Variants in CLSTN2 observed in about 807,000 individuals in gnomAD.
CLSTN2 encodes the protein calsyntenin-2.
A neutral mutation model predicts 101.2 loss-of-function variants in CLSTN2; 48 were observed. The observed-to-expected ratio is 0.47, with a 90% confidence interval of 0.38 to 0.60. The LOEUF (loss-of-function observed/expected upper bound fraction) is 0.60. Ranked by LOEUF, CLSTN2 falls within the 20% of genes least tolerant of loss-of-function variation. The probability of loss-of-function intolerance (pLI) is 0.00; values close to 1 mark genes in which losing one functional copy is unlikely to be tolerated. For missense variants in CLSTN2, 1,160 were observed against 1,238.2 expected (o/e 0.94, Z 0.95); for synonymous variants, 481 against 463.6 (o/e 1.04, Z -0.48).
chr3:140,174,605 T>C (rs775701294), intron 1 of CLSTN2, among the ~76,000 whole-genome samples: 4 of 152,160 alleles, frequency 2.6e-5, no homozygotes, highest in Admixed American at 6.5e-5. Context: ...AGAGGTTTAA[T>C]TGGACCTCTT....
chr3:140,194,101 C>T (rs944562807), intron 2 of CLSTN2, among the ~76,000 whole-genome samples: 1 of 152,092 alleles, frequency 6.6e-6, no homozygotes, highest in Non-Finnish European at 1.5e-5. Flanking sequence ...ACTTTAAAAT[C>T]TTTGTCAATA....
intron 5 of CLSTN2, among the ~76,000 whole-genome samples, chr3:140,427,183 A>AT (rs1170842853): frequency 9.2e-4 from 77 of 83,774 alleles, no homozygotes; most frequent in Non-Finnish European, 1.2e-3. Context: ...CAAAAAAAAA[A>AT]AATATATATA....
chr3:140,249,664 G>A (rs6439909), intron 2 of CLSTN2, among the ~76,000 whole-genome samples: 149,071 of 152,306 alleles, frequency 0.98, 73,018 homozygotes, highest in East Asian at 1. Context: ...GGGACTGATA[G>A]GGAAAGAGTT....
intron 2 of CLSTN2, among the ~76,000 whole-genome samples, chr3:140,230,822 T>C (rs1355517674): frequency 1.3e-5 from 2 of 152,204 alleles, no homozygotes; most frequent in Non-Finnish European, 2.9e-5. Context: ...CTACAGATGA[T>C]GCTAAGCTGG....
At chr3:140,287,956 A>T (rs1049138523) in intron 2 of CLSTN2, among the ~76,000 whole-genome samples, 4 of 152,326 alleles carry the variant, frequency 2.6e-5, no homozygotes, top group Admixed American at 2.0e-4. Flanking sequence ...CAGAAGACTA[A>T]GTTGCTCATC....
chr3:140,035,116 G>A (rs1298533746), intron 1 of CLSTN2, among the ~76,000 whole-genome samples: 1 of 152,174 alleles, frequency 6.6e-6, no homozygotes, highest in East Asian at 1.9e-4. Context: ...TATACATATT[G>A]GAGCTTTTTT....
intron 1 of CLSTN2, among the ~76,000 whole-genome samples, chr3:140,021,524 C>G (rs527850866): frequency 6.6e-6 from 1 of 152,072 alleles, no homozygotes; most frequent in South Asian, 2.1e-4. Context: ...TTAGAACCAC[C>G]GGTGTGTACC....
At chr3:140,080,658 G>A (rs895628085) in intron 1 of CLSTN2, among the ~76,000 whole-genome samples, 1 of 152,072 alleles carries the variant, frequency 6.6e-6, no homozygotes, top group African/African-American at 2.4e-5. Context: ...TGCTTCATAG[G>A]CTTTCACAGT....
intron 1 of CLSTN2, among the ~76,000 whole-genome samples, chr3:140,075,005 A>G (rs1029052245): frequency 1.2e-4 from 19 of 152,126 alleles, no homozygotes; most frequent in African/African-American, 4.3e-4. Flanking sequence ...AGTAGAGGCC[A>G]AGGCTTTACC....
At chr3:139,952,462 G>GC (rs11391884) in intron 1 of CLSTN2, among the ~76,000 whole-genome samples, 133,727 of 152,014 alleles carry the variant, frequency 0.88, 59,861 homozygotes, top group East Asian at 1. Context: ...TTGGTTTTTT[G>GC]CCCCTACATT....
chr3:140,536,261 T>C (rs1333512273), intron 9 of CLSTN2, among the ~76,000 whole-genome samples: 1 of 152,038 alleles, frequency 6.6e-6, no homozygotes, highest in African/African-American at 2.4e-5. Context: ...AGAATTCCTG[T>C]AAGGACTAGA....
Position 140,427,203 on chromosome 3 carries a change from A to ATG in CLSTN2, c.787+5933_787+5934dup, listed in dbSNP as rs1157999299. Among the ~76,000 whole-genome samples the ATG allele has an allele frequency of 4.1e-3, 463 of 114,242 alleles. 1 individual carries two copies. The highest frequency in any genetic ancestry group is 6.3e-3 in the Non-Finnish European group (388 of 61,410). The allele number at this position is 114,242 out of a possible 152,430, so 74.9% of individuals were successfully genotyped here. On this transcript the variant is annotated intron_variant, in intron 5 of 16. Transcript: ENST00000458420. Reference sequence around the variant, plus strand: ...AAAAAAAATATATATATATATATATATGTGTATATATATATATATATGTGT... The same window carrying ATG: ...AAAAAAAATATATATATATATATATATGTGTGTATATATATATATATATGTGT...
At chr3:140,112,216 G>A (rs2107795133) in intron 1 of CLSTN2, among the ~76,000 whole-genome samples, 1 of 152,264 alleles carries the variant, frequency 6.6e-6, no homozygotes, top group East Asian at 1.9e-4. Context: ...TGAGGGGGTG[G>A]CACTGAAAAG....
At chr3:140,125,793 G>T (rs1225141704) in intron 1 of CLSTN2, among the ~76,000 whole-genome samples, 1 of 152,126 alleles carries the variant, frequency 6.6e-6, no homozygotes, top group Non-Finnish European at 1.5e-5. Context: ...GACTAGAATT[G>T]CAGTAATAGT....
At chr3:140,319,207 G>C (rs1216433865) in intron 2 of CLSTN2, among the ~76,000 whole-genome samples, 3 of 152,134 alleles carry the variant, frequency 2.0e-5, no homozygotes, top group Non-Finnish European at 4.4e-5. Flanking sequence ...AAAATGTCTT[G>C]TTTCATACTA....
intron 1 of CLSTN2, among the ~76,000 whole-genome samples, chr3:139,977,466 T>G (rs1400380585): frequency 6.6e-6 from 1 of 151,510 alleles, no homozygotes; most frequent in Non-Finnish European, 1.5e-5. Context: ...AAACCTAGAT[T>G]GATCTTGAGT....
intron 2 of CLSTN2, among the ~76,000 whole-genome samples, chr3:140,319,912 A>C (rs2087265360): frequency 6.6e-6 from 1 of 152,246 alleles, no homozygotes; most frequent in Non-Finnish European, 1.5e-5. Flanking sequence ...CTCTTGCTGC[A>C]AACAACTCGC....
At chr3:139,983,576 G>T (rs901978370) in intron 1 of CLSTN2, among the ~76,000 whole-genome samples, 16 of 152,160 alleles carry the variant, frequency 1.1e-4, no homozygotes, top group Admixed American at 2.0e-4. Flanking sequence ...TAACACTGCT[G>T]TCTACTGGAT....
chr3:140,455,111 T>A (rs1178779180), intron 6 of CLSTN2, among the ~76,000 whole-genome samples: 1 of 152,232 alleles, frequency 6.6e-6, no homozygotes, highest in East Asian at 1.9e-4. Flanking sequence ...GCAGTGCCTG[T>A]CATAACTTAG....
Sources: allele counts gnomAD v4.1 joint callset (sites outside exome capture counted in the v4.1 genomes callset), GRCh38; gene constraint gnomAD v4.1.1; transcripts MANE v1.5; gene names NCBI Gene and HGNC (gene_info 2026-07-23, HGNC 2026-07-21).